Variants in VTI1A observed in about 807,000 individuals in gnomAD.
VTI1A encodes the protein vesicle transport through interaction with t-SNAREs 1A, also known as vesicle transport through interaction with t-SNAREs homolog 1A.
In VTI1A, 22 loss-of-function variants were observed where a neutral mutation model predicts 34.9. The observed-to-expected ratio is 0.63, with a 90% CI of 0.45 to 0.90. The LOEUF (loss-of-function observed/expected upper bound fraction) is 0.90, where lower values mean the gene tolerates loss of function less well. Among genes scored for constraint, VTI1A ranks in the 40% least tolerant of loss-of-function variants. VTI1A has a pLI of 0.00. For synonymous variants in VTI1A, 87 were observed against 97.3 expected, an observed-to-expected ratio of 0.89 and a Z score of 0.62; for missense variants, 268 against 275.6, an observed-to-expected ratio of 0.97 and a Z score of 0.20.
At chr10:112,732,536 C>T (rs1044263643) in intron 7 of VTI1A, among the ~76,000 whole-genome samples, 1 of 152,204 alleles carries the variant, frequency 6.6e-6, no homozygotes, top group African/African-American at 2.4e-5. Flanking sequence ...GAATCCCAGA[C>T]AAGCCCGGTC....
chr10:112,728,978 C>T (rs531486551), intron 7 of VTI1A, among the ~76,000 whole-genome samples: 1 of 152,270 alleles, frequency 6.6e-6, no homozygotes, highest in African/African-American at 2.4e-5. Context: ...GTCTCAGAAC[C>T]AGGTCTAACT....
At chr10:112,665,580 G>T (rs1209392478) in intron 5 of VTI1A, among the ~76,000 whole-genome samples, 1 of 152,104 alleles carries the variant, frequency 6.6e-6, no homozygotes, top group African/African-American at 2.4e-5. Flanking sequence ...AGGAGATTGT[G>T]GGAGTGGTTT....
intron 7 of VTI1A, among the ~76,000 whole-genome samples, chr10:112,754,840 T>C (rs2133997829): frequency 6.6e-6 from 1 of 152,316 alleles, no homozygotes; most frequent in African/African-American, 2.4e-5. Flanking sequence ...GAATTAGTAC[T>C]TCTCTCAAAT....
At chr10:112,740,367 G>A (rs1451111326) in intron 7 of VTI1A, among the ~76,000 whole-genome samples, 1 of 152,150 alleles carries the variant, frequency 6.6e-6, no homozygotes, top group East Asian at 1.9e-4. Context: ...TCGGCACACT[G>A]CAACCTCCGC....
chr10:112,717,464 A>G (rs1215576250), intron 7 of VTI1A, among the ~76,000 whole-genome samples: 11 of 152,074 alleles, frequency 7.2e-5, no homozygotes, highest in Admixed American at 6.5e-4. Context: ...TCAGACAGAG[A>G]TCAGAGCTGG....
At chr10:112,703,204 A>G (rs905639868) in intron 7 of VTI1A, among the ~76,000 whole-genome samples, 3 of 152,020 alleles carry the variant, frequency 2.0e-5, no homozygotes, top group African/African-American at 7.3e-5. Flanking sequence ...TGTTTTCTTT[A>G]TAAATGAAAT....
chr10:112,597,295 G>A (rs951383180), intron 5 of VTI1A, among the ~76,000 whole-genome samples: 5 of 152,048 alleles, frequency 3.3e-5, no homozygotes, highest in Non-Finnish European at 7.4e-5. Context: ...TCGGCTCATC[G>A]CCACCTCCGC....
chr10:112,743,285 C>T (rs904071690), intron 7 of VTI1A, among the ~76,000 whole-genome samples: 3 of 152,192 alleles, frequency 2.0e-5, no homozygotes, highest in African/African-American at 4.8e-5. Flanking sequence ...TTCATGTTAA[C>T]TCTTACAAAA....
rs67154330 is a variant in VTI1A at position 112,811,712 on chromosome 10, A to AAAAAT, written c.561-3578_561-3577insAAAAT. Among the ~76,000 whole-genome samples, 2 of 84,064 alleles carry AAAAAT rather than the reference A, an allele frequency of 2.4e-5. 1 individual carries two copies. Among genetic ancestry groups the AAAAAT allele is most frequent in the African/African-American group, 9.5e-5 (2 of 21,060 alleles). The allele number at this position is 84,064 out of a possible 152,430, so 55.1% of individuals were successfully genotyped here. A position where few individuals can be genotyped will look rare whatever the true frequency, so the allele number is the denominator to read the frequency against. ...AAAAAAAAAAAAAAAAAAAAAAAAA[A>AAAAAT]GAGTGCAGTCCATGCCTGGAAGTAG... On this transcript the variant is annotated intron_variant, in intron 7 of 7. Coordinates refer to ENST00000393077, the MANE Select transcript of VTI1A (RefSeq NM_145206.4).
chr10:112,804,084 T>C lies in VTI1A; in HGVS notation c.561-11206T>C, dbSNP rs577779238. Among the ~76,000 whole-genome samples the C allele has an allele frequency of 3.9e-5, 6 of 152,316 alleles. No individual in the cohort carries two copies. In the South Asian group the frequency reaches 1.2e-3, roughly 32 times the overall value. ...ACATAGAGTGCAATGTAACTACACA[T>C]TACTGATCTAAACCCATCGGACTTA... On this transcript the variant is annotated intron_variant, in intron 7 of 7. Coordinates refer to ENST00000393077, the MANE Select transcript of VTI1A (RefSeq NM_145206.4).
At chr10:112,602,037 A>T (rs1373326342) in intron 5 of VTI1A, among the ~76,000 whole-genome samples, 1 of 152,140 alleles carries the variant, frequency 6.6e-6, no homozygotes, top group Non-Finnish European at 1.5e-5. Flanking sequence ...AATGAGAAGA[A>T]CTGAAACATG....
intron 7 of VTI1A, among the ~76,000 whole-genome samples, chr10:112,671,196 AC>A (rs1847834466): frequency 6.6e-6 from 1 of 152,200 alleles, no homozygotes; most frequent in African/African-American, 2.4e-5. Flanking sequence ...TTTCCCTGTT[AC>A]AACCCTCCCA....
intron 7 of VTI1A, among the ~76,000 whole-genome samples, chr10:112,702,809 C>T (rs1046716890): frequency 3.3e-5 from 5 of 152,202 alleles, no homozygotes; most frequent in African/African-American, 9.7e-5. Context: ...TGGTGTTGAA[C>T]TCCTAGGCTC....
At chr10:112,784,321 G>T (rs149138915) in intron 7 of VTI1A, among the ~76,000 whole-genome samples, 2 of 152,250 alleles carry the variant, frequency 1.3e-5, no homozygotes, top group African/African-American at 4.8e-5. Flanking sequence ...AACCTATTAT[G>T]CACTAATATA....
rs968523045 is a variant in VTI1A at position 112,817,686 on chromosome 10, C to T, written c.*2303C>T. The T allele has an allele frequency of 1.3e-5, 3 of 228,908 alleles. No individual in the cohort carries two copies. The highest frequency in any genetic ancestry group is 6.6e-5 in the African/African-American group (3 of 45,116). 14.2% of individuals were successfully genotyped at this position (228,908 alleles called of 1,614,324 possible). On this transcript the variant is annotated 3_prime_UTR_variant, in exon 8 of 8. Transcript: ENST00000393077. ...GACTTAGGGGATCCCCAGCAGAGGCCAATTGCTCTCCTTCCTTCCCTGCCC... is the reference window on the plus strand; with the variant it reads ...GACTTAGGGGATCCCCAGCAGAGGCTAATTGCTCTCCTTCCTTCCCTGCCC...
the VTI1A span, among the ~76,000 whole-genome samples, chr10:112,840,620 C>A: frequency 1.3e-5 from 2 of 152,210 alleles, no homozygotes; most frequent in African/African-American, 2.4e-5. Context: ...ACCCCCTGGG[C>A]AGCTGCCCCA....
chr10:112,757,228 C>G (rs1233378022), intron 7 of VTI1A, among the ~76,000 whole-genome samples: 1 of 151,888 alleles, frequency 6.6e-6, no homozygotes, highest in Non-Finnish European at 1.5e-5. Context: ...CACAAAATTG[C>G]TATGTGATGA....
At chr10:112,532,771 A>G (rs1850491499) in intron 4 of VTI1A, among the ~76,000 whole-genome samples, 1 of 152,170 alleles carries the variant, frequency 6.6e-6, no homozygotes, top group Non-Finnish European at 1.5e-5. Flanking sequence ...AGTTTACAAT[A>G]TGAAGAAAAT....
At chr10:112,465,546 C>T (rs1445588554) in intron 3 of VTI1A, among the ~76,000 whole-genome samples, 2 of 152,234 alleles carry the variant, frequency 1.3e-5, no homozygotes, top group African/African-American at 2.4e-5. Flanking sequence ...AAAGGAAATT[C>T]TGTCACATGC....
Sources: allele counts gnomAD v4.1 joint callset (sites outside exome capture counted in the v4.1 genomes callset), GRCh38; gene constraint gnomAD v4.1.1; transcripts MANE v1.5; gene names NCBI Gene and HGNC (gene_info 2026-07-23, HGNC 2026-07-21).